The following ZBTB37 variants were observed in gnomAD, a reference collection of about 807,000 sequenced individuals.
The protein encoded by ZBTB37 is zinc finger and BTB domain-containing protein 37.
Under a neutral mutation model 37.7 loss-of-function variants are expected in ZBTB37, and 15 were observed. That is an observed-to-expected ratio of 0.40 (90% CI 0.27 to 0.61). ZBTB37 has a LOEUF of 0.61. Ranked by LOEUF, ZBTB37 falls within the 20% of genes least tolerant of loss-of-function variation. The pLI is 0.44. For missense variants in ZBTB37, 514 were observed against 641.9 expected (o/e 0.80, Z 2.15); for synonymous variants, 231 against 220.6 (o/e 1.05, Z -0.42).
chr1:173,884,855 G>A (rs542630251), intron 4 of ZBTB37, among the ~76,000 whole-genome samples: 1 of 152,282 alleles, frequency 6.6e-6, no homozygotes, highest in South Asian at 2.1e-4. Flanking sequence ...AAATTACTCA[G>A]TTGTATTAGC....
At chr1:173,888,168 CTG>C (rs1656701813), downstream of ZBTB37, 1 of 152,142 alleles carries the variant, frequency 6.6e-6, no homozygotes, top group South Asian at 2.1e-4. Context: ...AAGGAAAAAA[CTG>C]TCTTCTAAAG....
At chr1:173,881,418 T>C (rs1656297549) in intron 4 of ZBTB37, among the ~76,000 whole-genome samples, 1 of 152,230 alleles carries the variant, frequency 6.6e-6, no homozygotes, top group Non-Finnish European at 1.5e-5. Flanking sequence ...AAACATAACG[T>C]GTGCATGTGT....
At chr1:173,869,611 T>C (rs1655371492) in intron 2 of ZBTB37, among the ~76,000 whole-genome samples, 1 of 151,242 alleles carries the variant, frequency 6.6e-6, no homozygotes, top group Admixed American at 6.6e-5. Context: ...GGATTTTTCC[T>C]AGAGTTTGCT....
chr1:173,902,098 A>G (rs1229427562), exon 4 of ZBTB37: 1 of 152,216 alleles, frequency 6.6e-6, no homozygotes, highest in Non-Finnish European at 1.5e-5. Flanking sequence ...TCTCTATGGG[A>G]AACTCTTGGG....
chr1:173,899,070 AAAT>A (rs766817303), exon 4 of ZBTB37: 17 of 152,360 alleles, frequency 1.1e-4, no homozygotes, highest in Admixed American at 2.0e-4. Context: ...GTGAAATTCC[AAAT>A]AATAAGACAA....
intron 4 of ZBTB37, among the ~76,000 whole-genome samples, chr1:173,875,809 C>A (rs958841261): frequency 6.6e-6 from 1 of 152,016 alleles, no homozygotes; most frequent in Non-Finnish European, 1.5e-5. Context: ...TGCGCACTAC[C>A]ATGCCCAGCT....
At chr1:173,874,140 A>T (rs1303868351) in intron 4 of ZBTB37, among the ~76,000 whole-genome samples, 2 of 151,520 alleles carry the variant, frequency 1.3e-5, no homozygotes. Flanking sequence ...CCGTGATCCC[A>T]ACTACTCCAG....
chr1:173,901,226 G>A (rs9425436), exon 4 of ZBTB37: 30,426 of 151,892 alleles, frequency 0.2, 4,064 homozygotes, highest in African/African-American at 0.38. Flanking sequence ...TACTCTCAAC[G>A]AAAGAAAAGC....
intron 4 of ZBTB37, among the ~76,000 whole-genome samples, chr1:173,874,646 C>T (rs1009471991): frequency 1.3e-5 from 2 of 152,030 alleles, no homozygotes; most frequent in African/African-American, 4.8e-5. Flanking sequence ...CCACTGCACC[C>T]AGCCACTGCA....
In ZBTB37 at chr1:173,885,522, G is replaced by A. The variant is rs115643908; in HGVS notation, c.1024-114G>A. 9.4e-3 allele frequency: 8,413 copies of A among 898,620 alleles called. 56 individuals are homozygous for A. The highest frequency in any genetic ancestry group is 0.016 in the Admixed American group (495 of 31,694). 55.7% of individuals were successfully genotyped at this position (898,620 alleles called of 1,614,324 possible). ...TTGGTAATAATTTTCTGTTTGATCC[G>A]CCACTAAAAAGGTACATATATCTTA... On this transcript the variant is annotated intron_variant, in intron 4 of 4. Coordinates refer to ENST00000427304, the Ensembl canonical transcript of ZBTB37.
chr1:173,877,601 G>A (rs551577523), intron 4 of ZBTB37, among the ~76,000 whole-genome samples: 1 of 151,994 alleles, frequency 6.6e-6, no homozygotes, highest in Non-Finnish European at 1.5e-5. Flanking sequence ...GGCTGATCTC[G>A]AATTCCTGAG....
chr1:173,895,520 A>C (rs1657011268), exon 4 of ZBTB37: 1 of 152,188 alleles, frequency 6.6e-6, no homozygotes. Context: ...AATCTCTTTC[A>C]ACAGGAGTTT....
intron 4 of ZBTB37, among the ~76,000 whole-genome samples, chr1:173,879,407 G>A (rs1429205717): frequency 6.6e-6 from 1 of 152,046 alleles, no homozygotes; most frequent in Non-Finnish European, 1.5e-5. Flanking sequence ...TTTCTTTTGG[G>A]GGTCGATGGA....
exon 4 of ZBTB37, chr1:173,903,082 C>T (rs1283284741): frequency 6.6e-6 from 1 of 152,136 alleles, no homozygotes; most frequent in African/African-American, 2.4e-5. Context: ...CTCTAAGACA[C>T]GATCCTGATT....
chr1:173,871,407 G>T (rs557484753), intron 3 of ZBTB37, among the ~76,000 whole-genome samples: 1 of 152,320 alleles, frequency 6.6e-6, no homozygotes, highest in Admixed American at 6.5e-5. Flanking sequence ...AGCATCTGCA[G>T]CCACACTAGG....
At chr1:173,888,269 G>A (rs1265391404), downstream of ZBTB37, 1 of 152,172 alleles carries the variant, frequency 6.6e-6, no homozygotes, top group South Asian at 2.1e-4. Flanking sequence ...TGGTAATAAG[G>A]TTTTCAGTGG....
exon 4 of ZBTB37, chr1:173,892,407 C>CAAA (rs1480769715): frequency 6.6e-6 from 1 of 152,120 alleles, no homozygotes; most frequent in Non-Finnish European, 1.5e-5. Context: ...TGGTGCTTTT[C>CAAA]CCAGGGCCAG....
chr1:173,877,507 AG>A (rs1656050870), intron 4 of ZBTB37, among the ~76,000 whole-genome samples: 2 of 150,636 alleles, frequency 1.3e-5, no homozygotes, highest in South Asian at 4.2e-4. Context: ...TCAGCTCCTG[AG>A]TAGCTGGGAC....
chr1:173,871,039 A>G (rs1325157741), exon 3 of ZBTB37: 1 of 1,614,116 alleles, frequency 6.2e-7, no homozygotes, highest in Admixed American at 1.7e-5. Context: ...AGAGGAAGTA[A>G]CAGCCATGGT....
Sources: allele counts gnomAD v4.1 joint callset (sites outside exome capture counted in the v4.1 genomes callset), GRCh38; gene constraint gnomAD v4.1.1; transcripts MANE v1.5; gene names NCBI Gene and HGNC (gene_info 2026-07-23, HGNC 2026-07-21).